The following ADAMTS7 variants were observed in gnomAD, a reference collection of about 807,000 sequenced individuals.
ADAMTS7 encodes ADAM metallopeptidase with thrombospondin type 1 motif 7.
Under a neutral mutation model 172.6 loss-of-function variants are expected in ADAMTS7, and 89 were observed. The ratio of observed to expected loss-of-function variants is 0.52; its 90% CI spans 0.43 to 0.61. ADAMTS7 has a LOEUF of 0.61. Ranked by LOEUF, ADAMTS7 falls within the 20% of genes least tolerant of loss-of-function variation. ADAMTS7 has a pLI of 0.00. For synonymous variants in ADAMTS7, 885 were observed against 978.4 expected (o/e 0.90, Z 1.78); for missense variants, 1,973 against 2,355.6 (o/e 0.84, Z 3.36).
chr15:78,806,987 G>A (rs542162649), intron 1 of ADAMTS7, among the ~76,000 whole-genome samples: 13 of 152,168 alleles, frequency 8.5e-5, no homozygotes, highest in Admixed American at 6.5e-4. Flanking sequence ...GGCTGGTCTC[G>A]AACTCCTGAC....
chr15:78,801,020 C>T (rs1269583940), intron 1 of ADAMTS7, among the ~76,000 whole-genome samples: 3 of 152,140 alleles, frequency 2.0e-5, no homozygotes, highest in Admixed American at 6.5e-5. Context: ...CAATTACAGG[C>T]GTCAGCCACT....
intron 7 of ADAMTS7, among the ~76,000 whole-genome samples, 160 bp downstream of exon 7, chr15:78,789,529 G>A (rs1394224534): frequency 6.6e-6 from 1 of 152,250 alleles, no homozygotes; most frequent in Non-Finnish European, 1.5e-5. Flanking sequence ...TGGTTGTGGG[G>A]AGGGGACAGT....
At chr15:78,803,548 G>T (rs1481354006) in intron 1 of ADAMTS7, among the ~76,000 whole-genome samples, 1 of 151,860 alleles carries the variant, frequency 6.6e-6, no homozygotes, top group Non-Finnish European at 1.5e-5. Flanking sequence ...TGCCTCCCAG[G>T]TTCAAGCAAT....
Position 78,777,300 on chromosome 15 carries a change from T to C in ADAMTS7, c.1467+144A>G, listed in dbSNP as rs1431296982. 43 of 1,228,864 alleles carry C rather than the reference T, an allele frequency of 3.5e-5. No homozygotes were observed. The East Asian group carries it at 1.0e-3, about 29-fold the overall frequency. 76.1% of individuals were successfully genotyped at this position (1,228,864 alleles called of 1,614,324 possible). A position where few individuals can be genotyped will look rare whatever the true frequency, so the allele number is the denominator to read the frequency against. ...ATCCCTGGCCTCTCCCACAGGCCAC[T>C]TGACGTCTCACAGTGTCACTCAGGG... On this transcript the variant is annotated intron_variant, in intron 9 of 23. Coordinates refer to ENST00000388820, the MANE Select transcript of ADAMTS7 (RefSeq NM_014272.5).
At chr15:78,788,180 G>T in intron 8 of ADAMTS7, 51 bp downstream of exon 8, 2 of 1,603,330 alleles carry the variant, frequency 1.2e-6, no homozygotes, top group Non-Finnish European at 1.7e-6. Flanking sequence ...TCTCCCAGTA[G>T]ACCTTGACCT....
chr15:78,777,129 G>A (rs1567220365), intron 9 of ADAMTS7: 6 of 562,776 alleles, frequency 1.1e-5, no homozygotes, highest in Non-Finnish European at 6.3e-6. Context: ...CACTTCAGGC[G>A]ATCTTCGCCA....
intron 1 of ADAMTS7, chr15:78,810,736 G>C (rs1052364464): frequency 1.2e-5 from 2 of 161,976 alleles, no homozygotes; most frequent in African/African-American, 4.8e-5. Flanking sequence ...GCCTCGCTAA[G>C]GAGTGTGAGA....
chr15:78,805,294 G>C (rs1447538244), intron 1 of ADAMTS7, among the ~76,000 whole-genome samples: 1 of 152,162 alleles, frequency 6.6e-6, no homozygotes, highest in Non-Finnish European at 1.5e-5. Flanking sequence ...GGTTTGTTTT[G>C]GCTGACACAA....
At chr15:78,787,631 T>C (rs1326686632) in intron 8 of ADAMTS7, among the ~76,000 whole-genome samples, 1 of 152,028 alleles carries the variant, frequency 6.6e-6, no homozygotes, top group Non-Finnish European at 1.5e-5. Flanking sequence ...GCCATTGCAT[T>C]CCAGCCTGGG....
At chr15:78,793,944 T>C (rs1327178620) in intron 4 of ADAMTS7, among the ~76,000 whole-genome samples, 1 of 152,204 alleles carries the variant, frequency 6.6e-6, no homozygotes, top group Non-Finnish European at 1.5e-5. Context: ...TTGACCTCTC[T>C]GAATCTTTGT....
chr15:78,798,876 G>C (rs569876966), intron 2 of ADAMTS7, among the ~76,000 whole-genome samples: 1 of 152,322 alleles, frequency 6.6e-6, no homozygotes, highest in Non-Finnish European at 1.5e-5. Context: ...CAGGACCAGG[G>C]GGCCTGGAGG....
intron 19 of ADAMTS7, chr15:78,765,138 A>C: frequency 5.0e-6 from 1 of 201,322 alleles, no homozygotes; most frequent in Non-Finnish European, 1.0e-5. Flanking sequence ...TCCCGCCCCA[A>C]AATTAGGGAT....
chr15:78,773,870 G>A (rs866990712), intron 13 of ADAMTS7, among the ~76,000 whole-genome samples: 4 of 152,224 alleles, frequency 2.6e-5, no homozygotes, highest in African/African-American at 7.2e-5. Flanking sequence ...TGGCTGGGGC[G>A]GTGCTGGTGC....
intron 4 of ADAMTS7, among the ~76,000 whole-genome samples, 180 bp downstream of exon 4, chr15:78,796,410 A>G (rs1438649190): frequency 6.6e-6 from 1 of 151,960 alleles, no homozygotes; most frequent in African/African-American, 2.4e-5. Flanking sequence ...TCTCATAGTG[A>G]CTAGCTGCCA....
rs368071628 is a variant in ADAMTS7, at chr15:78,805,090, G to A, written c.101-4543C>T. 1.4e-3 allele frequency among the ~76,000 whole-genome samples: 209 copies of A among 152,320 alleles called. 1 individual carries two copies. The highest frequency in any genetic ancestry group is 4.9e-3 in the African/African-American group (204 of 41,574). ...TCCAGGGCTCTGGGGGCCCTAGAAT[G>A]TGTATTTTCTGTGTTTTTCTAGACC... On this transcript the variant is annotated intron_variant, in intron 1 of 23. Transcript: ENST00000388820.
In ADAMTS7 at chr15:78,761,088, G is replaced by A. The variant is rs1348832966; in HGVS notation, c.4903+1315C>T. Among the ~76,000 whole-genome samples the A allele has an allele frequency of 3.9e-5, 6 of 152,360 alleles. No individual in the cohort carries two copies. The East Asian group carries it at 1.2e-3, about 29-fold the overall frequency. On this transcript the variant is annotated intron_variant, in intron 23 of 23. Transcript: ENST00000388820. ...GAGTGCTCTGAGATGCTGGCTGGGTGCGTGCTGAGGGCAGGCAGGACAGGG... is the reference window on the plus strand; with the variant it reads ...GAGTGCTCTGAGATGCTGGCTGGGTACGTGCTGAGGGCAGGCAGGACAGGG...
chr15:78,762,195 G>T, intron 23 of ADAMTS7: 3 of 739,346 alleles, frequency 4.1e-6, no homozygotes, highest in Non-Finnish European at 5.0e-6. Flanking sequence ...GTGTGGCCGG[G>T]ACTCCCCTTG....
intron 23 of ADAMTS7, chr15:78,761,798 T>G: frequency 1.0e-6 from 1 of 979,718 alleles, no homozygotes; most frequent in South Asian, 4.7e-5. Flanking sequence ...GGCAGGGGTG[T>G]CCAGAACCAC....
chr15:78,785,535 TG>T (rs2055489456), intron 8 of ADAMTS7, among the ~76,000 whole-genome samples: 2 of 124,314 alleles, frequency 1.6e-5, no homozygotes, highest in Admixed American at 1.9e-4. Context: ...AGCAGCAGAG[TG>T]AGAGTCTCTC....
Sources: gnomAD v4.1 joint callset for allele counts (sites outside exome capture counted in the v4.1 genomes callset) on GRCh38, gnomAD v4.1.1 for gene constraint, MANE v1.5 for transcripts, NCBI Gene and HGNC (gene_info 2026-07-23, HGNC 2026-07-21) for gene names.